The following OSCP1 variants were observed in gnomAD, a reference collection of about 807,000 sequenced individuals.
OSCP1 encodes organic solute carrier partner 1.
OSCP1 carries 35 observed loss-of-function variants against 45.1 expected under a neutral mutation model. That is an observed-to-expected ratio of 0.78 (90% confidence interval 0.59 to 1.03). The LOEUF (loss-of-function observed/expected upper bound fraction) is 1.03. Among genes scored for constraint, OSCP1 ranks in the 50% least tolerant of loss-of-function variants. The pLI, the probability that OSCP1 is intolerant of heterozygous loss-of-function variation, is 0.00. For synonymous variants in OSCP1, 179 were observed against 180.1 expected (o/e 0.99, Z 0.05); for missense variants, 400 against 470.7 (o/e 0.85, Z 1.39).
At chr1:36,423,286 T>C (rs1647762598) in intron 5 of OSCP1, 77 bp downstream of exon 5, 4 of 1,154,448 alleles carry the variant, frequency 3.5e-6, no homozygotes, top group Middle Eastern at 1.9e-4. Context: ...GGCTTGGCAG[T>C]GCGGCATTCC....
At chr1:36,428,137 C>T in intron 4 of OSCP1, 3 of 504,878 alleles carry the variant, frequency 5.9e-6, no homozygotes, top group South Asian at 8.7e-5. Flanking sequence ...TTGCAGTGAG[C>T]TGAGATGGTG....
intron 2 of OSCP1, among the ~76,000 whole-genome samples, chr1:36,435,599 A>AT (rs1209787835): frequency 6.6e-6 from 1 of 152,124 alleles, no homozygotes; most frequent in East Asian, 1.9e-4. Context: ...CATTTTACAG[A>AT]TGAGAAAATG....
intron 2 of OSCP1, among the ~76,000 whole-genome samples, chr1:36,436,300 C>T (rs1286578744): frequency 6.6e-6 from 1 of 150,500 alleles, no homozygotes; most frequent in African/African-American, 2.4e-5. Context: ...TTAGTAGAGA[C>T]GAGATTTCAC....
In OSCP1 at chr1:36,450,386, T is replaced by C. The variant is rs1570562568; in HGVS notation, c.-17A>G. The C allele has an allele frequency of 6.2e-7, 1 of 1,608,342 alleles. No individual in the cohort carries two copies. The highest frequency in any genetic ancestry group is 8.5e-7 in the Non-Finnish European group (1 of 1,175,014). ...CACCGACATGGTGCTGGAAACGAGC[T>C]GGACTGGTGAAGAGCCCCGGGGTTC... On this transcript the variant is annotated 5_prime_UTR_variant, in exon 1 of 10. Coordinates refer to ENST00000235532, the MANE Select transcript of OSCP1 (RefSeq NM_145047.5).
At chr1:36,423,498 T>G (rs1405374381) in intron 4 of OSCP1, 32 bp from the exon 5 acceptor site, 6 of 1,527,718 alleles carry the variant, frequency 3.9e-6, no homozygotes, top group Non-Finnish European at 5.4e-6. Flanking sequence ...GTCATTTTTC[T>G]TGGTATATTT....
chr1:36,450,417 C>A lies in OSCP1; in HGVS notation c.-48G>T. 8 of 1,518,078 alleles carry A rather than the reference C, an allele frequency of 5.3e-6. No individual in the cohort carries two copies. Among genetic ancestry groups the A allele is most frequent in the Non-Finnish European group, 7.3e-6 (8 of 1,094,906 alleles). 94.0% of individuals were successfully genotyped at this position (1,518,078 alleles called of 1,614,324 possible). On this transcript the variant is annotated 5_prime_UTR_variant, in exon 1 of 10. Coordinates refer to ENST00000235532, the MANE Select transcript of OSCP1 (RefSeq NM_145047.5). The stretch of plus-strand genomic sequence containing the variant: ...GGTGAAGAGCCCCGGGGTTCGGTAG[C>A]CAGTGGCCTGAAGGCCAGGCCGCAG...
intron 5 of OSCP1, 63 bp downstream of exon 5, chr1:36,423,300 T>G: frequency 7.7e-7 from 1 of 1,293,088 alleles, no homozygotes; most frequent in Middle Eastern, 1.8e-4. Flanking sequence ...GCATTCCGTG[T>G]GCGGCCCATG....
intron 1 of OSCP1, among the ~76,000 whole-genome samples, chr1:36,439,354 C>T (rs1449003047): frequency 6.6e-6 from 1 of 151,950 alleles, no homozygotes; most frequent in Non-Finnish European, 1.5e-5. Flanking sequence ...GACCCTGTCT[C>T]TACCAAAAAT....
At chr1:36,434,422 C>T (rs151051009) in intron 2 of OSCP1, among the ~76,000 whole-genome samples, 2,474 of 152,282 alleles carry the variant, frequency 0.016, 25 homozygotes, top group Middle Eastern at 0.044. Flanking sequence ...CTCCTACCTG[C>T]AGCCAAACAT....
chr1:36,432,467 TG>T lies in OSCP1; in HGVS notation c.389del (p.Pro130GlnfsTer14), dbSNP rs760076400. 1.2e-6 allele frequency: 2 copies of T among 1,613,970 alleles called. No homozygotes were observed. Among genetic ancestry groups the T allele is most frequent in the African/African-American group, 2.7e-5 (2 of 74,894 alleles). Reference sequence around the variant, plus strand: ...TCTCGTCCACTTGCTGCAGGATGGTTGGGGAGTCTCGGATGAATCCCTTGAT... The same window carrying T: ...TCTCGTCCACTTGCTGCAGGATGGTTGGGAGTCTCGGATGAATCCCTTGAT... ...DTIKGFIRDS[P>X]TILQQVDETL... On this transcript the variant is annotated frameshift_variant, in exon 3 of 10. Transcript: ENST00000235532. LOFTEE classifies it high-confidence loss of function.
chr1:36,426,706 TTTTTA>T (rs1647982671), intron 4 of OSCP1, among the ~76,000 whole-genome samples: 1 of 152,158 alleles, frequency 6.6e-6, no homozygotes, highest in African/African-American at 2.4e-5. Context: ...CTGCTGTATT[TTTTTA>T]TTTTAATTTT....
At chr1:36,440,474 C>T (rs1649058752) in intron 1 of OSCP1, among the ~76,000 whole-genome samples, 3 of 152,194 alleles carry the variant, frequency 2.0e-5, no homozygotes. Flanking sequence ...AGATTTTACA[C>T]TAGACTTGAT....
At chr1:36,439,056 AC>A in intron 1 of OSCP1, 146 bp from the exon 2 acceptor site, 1 of 750,572 alleles carries the variant, frequency 1.3e-6, no homozygotes, top group Non-Finnish European at 2.0e-6. Flanking sequence ...CCCTGAGGGG[AC>A]CACACAGGTG....
In OSCP1 at chr1:36,423,388, C is replaced by T; in HGVS notation, c.595G>A (p.Gly199Arg). The T allele has an allele frequency of 6.2e-7, 1 of 1,613,064 alleles. No homozygotes were observed. Among genetic ancestry groups the T allele is most frequent in the East Asian group, 2.2e-5 (1 of 44,876 alleles). The change falls in exon 5 of 10, where the codon GGA (glycine) becomes AGA (arginine). Residue 199 changes from glycine (G) to arginine (R), a missense_variant. By Grantham distance (125) the Gly-to-Arg change is moderately radical (BLOSUM62 -2). Transcript: ENST00000235532. ...VLPVSGPVPWGTEVPGLIRMF... is the reference protein window; with the variant it reads ...VLPVSGPVPWRTEVPGLIRMF... ...CTGATGAGTCCTGGAACTTCAGTTC[C>T]CCAAGGAACAGGCCCGGACACCGGC...
chr1:36,423,233 G>C (rs1176817814), intron 5 of OSCP1, 130 bp downstream of exon 5: 13 of 823,398 alleles, frequency 1.6e-5, no homozygotes, highest in Middle Eastern at 2.7e-4. Flanking sequence ...TTTTTCAATA[G>C]CTGTTTTACT....
chr1:36,442,330 G>A (rs1253541765), intron 1 of OSCP1, among the ~76,000 whole-genome samples: 3 of 151,860 alleles, frequency 2.0e-5, no homozygotes, highest in Admixed American at 1.3e-4. Context: ...TTCTAGTCCT[G>A]GGTTCAGATT....
At chr1:36,440,047 A>C (rs1303077454) in intron 1 of OSCP1, among the ~76,000 whole-genome samples, 2 of 152,258 alleles carry the variant, frequency 1.3e-5, no homozygotes, top group Non-Finnish European at 2.9e-5. Context: ...CAAATTTGAA[A>C]GAAAACTGGG....
In OSCP1 at chr1:36,432,509, G is replaced by A; in HGVS notation, c.348C>T (p.Phe116=). ...PRPKDVLLVT[F]NHLDTIKGFI... Reference sequence around the variant, plus strand: ...ATCCCTTGATGGTATCCAAGTGATTGAAAGTGACCAGCAGCACATCCTTGG... The same window carrying A: ...ATCCCTTGATGGTATCCAAGTGATTAAAAGTGACCAGCAGCACATCCTTGG... The change falls in exon 3 of 10, where the codon TTC becomes TTT. Residue 116 remains phenylalanine, a synonymous_variant. Coordinates refer to ENST00000235532, the MANE Select transcript of OSCP1 (RefSeq NM_145047.5). 1 of 1,614,136 alleles carries A rather than the reference G, an allele frequency of 6.2e-7. No individual in the cohort carries two copies. The highest frequency in any genetic ancestry group is 8.5e-7 in the Non-Finnish European group (1 of 1,180,016).
At chr1:36,443,076 G>GC (rs1334077567) in intron 1 of OSCP1, among the ~76,000 whole-genome samples, 3 of 152,152 alleles carry the variant, frequency 2.0e-5, no homozygotes, top group African/African-American at 7.2e-5. Context: ...TGATTCTCCT[G>GC]CCTCAGTCTC....
Sources: allele counts gnomAD v4.1 joint callset (sites outside exome capture counted in the v4.1 genomes callset), GRCh38; gene constraint gnomAD v4.1.1; transcripts MANE v1.5; gene names NCBI Gene and HGNC (gene_info 2026-07-23, HGNC 2026-07-21).